Variants in ARHGEF15 observed in about 807,000 individuals in gnomAD.
ARHGEF15 encodes the protein Rho guanine nucleotide exchange factor (GEF) 15.
ARHGEF15 carries 58 observed loss-of-function variants against 79.7 expected under a neutral mutation model. That is an observed-to-expected ratio of 0.73 (90% CI 0.59 to 0.91). The LOEUF (loss-of-function observed/expected upper bound fraction) is 0.91. Ranked by LOEUF, ARHGEF15 falls within the 40% of genes least tolerant of loss-of-function variation. ARHGEF15 has a pLI of 0.00. For missense variants in ARHGEF15, 1,012 were observed against 1,108.1 expected (o/e 0.91, Z 1.23); for synonymous variants, 442 against 456.0 (o/e 0.97, Z 0.39).
rs773258836 is a variant in ARHGEF15, at chr17:8,319,349, C to T, written c.2224C>T (p.Pro742Ser). The T allele has an allele frequency of 1.9e-6, 3 of 1,613,992 alleles. No homozygotes were observed. The highest frequency in any genetic ancestry group is 1.7e-5 in the Admixed American group (1 of 59,982). Residue 742 changes from proline (P) to serine (S), a missense_variant, in exon 14 of 16, where the codon CCA becomes TCA. Pro to Ser is a moderately conservative substitution (Grantham distance 74). Coordinates refer to ENST00000361926, the MANE Select transcript of ARHGEF15 (RefSeq NM_173728.4). Reference sequence around the variant, plus strand: ...GCGCTGGCTGGGAGCCTTCCCAACCCCAGGCCCCCTTCCCTGCTCCCCAGA... The same window carrying T: ...GCGCTGGCTGGGAGCCTTCCCAACCTCAGGCCCCCTTCCCTGCTCCCCAGA... ...MQRWLGAFPT[P>S]GPLPCSPDTI...
Position 8,312,575 on chromosome 17 carries a change from C to T in ARHGEF15, c.536C>T (p.Ala179Val). 1 of 1,610,888 alleles carries T rather than the reference C, an allele frequency of 6.2e-7. No individual in the cohort carries two copies. Among genetic ancestry groups the T allele is most frequent in the Non-Finnish European group, 8.5e-7 (1 of 1,178,554 alleles). ...DAPEPGLQAR[A>V]DVNGEREAPL... is the part of the protein sequence containing the mutation. ...CCGGAGCCAGGTCTCCAAGCGAGAGCAGATGTGAATGGGGAGAGAGAAGCT... is the reference window on the plus strand; with the variant it reads ...CCGGAGCCAGGTCTCCAAGCGAGAGTAGATGTGAATGGGGAGAGAGAAGCT... The change falls in exon 2 of 16, where the codon GCA becomes GTA. Residue 179 changes from alanine to valine, a missense_variant. Transcript: ENST00000361926.
Position 8,313,440 on chromosome 17 carries a change from G to C in ARHGEF15, c.935-61G>C, listed in dbSNP as rs2302866. The stretch of plus-strand genomic sequence containing the variant: ...AACCATCCCTGCTGGGGCTGGAGTC[G>C]GGAGTCCTGGCTGGGGATCCTGGAG... On this transcript the variant is annotated intron_variant, in intron 3 of 15. Transcript: ENST00000361926. The C allele has an allele frequency of 1.8e-5, 29 of 1,581,044 alleles. No homozygotes were observed. The East Asian group carries it at 6.5e-4, about 35-fold the overall frequency.
In ARHGEF15 at chr17:8,315,171, T is replaced by G; in HGVS notation, c.1154T>G (p.Phe385Cys). ...GCAAATGCTGGAGATGCACCCACCT[T>G]CCCACGACCCCCTGGACCTCGCAAC... ...SPANAGDAPT[F>C]PRPPGPRNTL... The change falls in exon 6 of 16, where the codon TTC becomes TGC. Residue 385 changes from phenylalanine (F) to cysteine (C), a missense_variant. This residue lies in a region of ARHGEF15 where 818 missense variants were observed against 882.5 expected (regional missense o/e 0.93). Coordinates refer to ENST00000361926, the MANE Select transcript of ARHGEF15 (RefSeq NM_173728.4). This position sits in a 1 kb window ranked among gnomAD's most constrained non-coding sequence, Gnocchi z 4.3. 6.2e-7 allele frequency: 1 copy of G among 1,614,014 alleles called. No homozygotes were observed. Among genetic ancestry groups the G allele is most frequent in the Non-Finnish European group, 8.5e-7 (1 of 1,179,998 alleles).
Position 8,319,048 on chromosome 17 carries a change from TG to T in ARHGEF15, c.2077del (p.Val693SerfsTer102). On this transcript the variant is annotated frameshift_variant, in exon 13 of 16. Coordinates refer to ENST00000361926, the MANE Select transcript of ARHGEF15 (RefSeq NM_173728.4). LOFTEE classifies it high-confidence loss of function. Reference sequence around the variant, plus strand: ...GTTCTGGACTATGCCCATCGCTCCCTGGTCCAGGCCCAGCAGGTTCCGGATC... The same window carrying T: ...GTTCTGGACTATGCCCATCGCTCCCTGTCCAGGCCCAGCAGGTTCCGGATC... ...LQVLDYAHRS[L>X]VQAQQVPDPS... 3 of 1,614,014 alleles carry T rather than the reference TG, an allele frequency of 1.9e-6. No individual in the cohort carries two copies. Among genetic ancestry groups the T allele is most frequent in the Non-Finnish European group, 2.5e-6 (3 of 1,180,004 alleles).
In ARHGEF15 at chr17:8,313,268, G is replaced by A; in HGVS notation, c.934+14G>A. The A allele has an allele frequency of 2.5e-6, 4 of 1,601,420 alleles. No individual in the cohort carries two copies. The highest frequency in any genetic ancestry group is 3.4e-6 in the Non-Finnish European group (4 of 1,178,138). ...GAATCCAAACAGGTGCAGGGCCTGG[G>A]GGAGTGGACCTCTGGGCTGTGAGGG... On this transcript the variant is annotated intron_variant, in intron 3 of 15. Transcript: ENST00000361926.
rs982517828 is a variant in ARHGEF15 at position 8,315,359 on chromosome 17, T to C, written c.1261-55T>C. On this transcript the variant is annotated intron_variant, in intron 6 of 15. Transcript: ENST00000361926. The surrounding 1 kb of genome is among the most constrained non-coding windows in gnomAD (Gnocchi z 4.3). ...AGGCATAGGGGAGGAGGGCCCAGGG[T>C]CCTAGCTTCCCACGGTGAACTGGGC... 8.7e-6 allele frequency: 14 copies of C among 1,611,750 alleles called. No homozygotes were observed. Among genetic ancestry groups the C allele is most frequent in the African/African-American group, 8.0e-5 (6 of 74,662 alleles).
rs781295246 is a variant in ARHGEF15, at chr17:8,318,579, C to T, written c.1789C>T (p.Arg597Cys). 1.2e-5 allele frequency: 19 copies of T among 1,613,430 alleles called. No homozygotes were observed. Among genetic ancestry groups the T allele is most frequent in the South Asian group, 8.8e-5 (8 of 91,036 alleles). ...AGCTCCCCTTACCTAGATCATCGAGCGTTGCAGCGCTGAGGTGGGGCGCAT... is the reference window on the plus strand; with the variant it reads ...AGCTCCCCTTACCTAGATCATCGAGTGTTGCAGCGCTGAGGTGGGGCGCAT... Reference protein sequence around the residue: ...ALGAVSKIIERCSAEVGRMKQ... With the variant: ...ALGAVSKIIECCSAEVGRMKQ... Residue 597 changes from arginine (R) to cysteine (C), a missense_variant, in exon 11 of 16, where the codon CGT (arginine) becomes TGT (cysteine). Physicochemically the swap from Arg to Cys is radical, Grantham distance 180. Around this residue, in one of 3 missense-constraint regions of ARHGEF15, gnomAD observed 818 missense variants for 882.5 expected, o/e 0.93. Transcript: ENST00000361926. This position sits in a 1 kb window ranked among gnomAD's most constrained non-coding sequence, Gnocchi z 5.0.
intron 9 of ARHGEF15, among the ~76,000 whole-genome samples, chr17:8,317,127 A>G (rs556404252): frequency 6.6e-6 from 1 of 152,090 alleles, no homozygotes; most frequent in Non-Finnish European, 1.5e-5. Flanking sequence ...CTTTCTAACC[A>G]GGTCTCCCAA....
rs2151636121 is a variant in ARHGEF15 at position 8,312,947 on chromosome 17, C to T, written c.627C>T (p.Cys209=). Residue 209 remains cysteine, a synonymous_variant, in exon 3 of 16, where the codon TGC becomes TGT. Coordinates refer to ENST00000361926, the MANE Select transcript of ARHGEF15 (RefSeq NM_173728.4). The part of the protein sequence containing the change: ...APDAGLACPP[C]CPCVCHTTRP... ...ATGCTGGCCTGGCCTGCCCTCCCTG[C>T]TGCCCCTGTGTCTGCCACACCACCC... 2 of 1,584,208 alleles carry T rather than the reference C, an allele frequency of 1.3e-6. No homozygotes were observed. Among genetic ancestry groups the T allele is most frequent in the Non-Finnish European group, 1.7e-6 (2 of 1,164,858 alleles).
At chr17:8,312,730 CAAA>C (rs750161380) in intron 2 of ARHGEF15, 90 bp downstream of exon 2, 1 of 1,601,980 alleles carries the variant, frequency 6.2e-7, no homozygotes, top group South Asian at 1.1e-5. Context: ...GCTACCTTTT[CAAA>C]AATGGAGTTA....
chr17:8,320,287 A>T (rs1361097680), intron 15 of ARHGEF15, among the ~76,000 whole-genome samples: 1 of 152,134 alleles, frequency 6.6e-6, no homozygotes, highest in Non-Finnish European at 1.5e-5. Flanking sequence ...AAAAAAAAAA[A>T]AGTGAGCAGA....
chr17:8,318,556 C>G lies in ARHGEF15; in HGVS notation c.1780-14C>G. ...GCTGGCCGCTGGGGTGGTGACACAG[C>G]TCCCCTTACCTAGATCATCGAGCGT... On this transcript the variant is annotated splice_polypyrimidine_tract_variant and intron_variant, in intron 10 of 15. Coordinates refer to ENST00000361926, the MANE Select transcript of ARHGEF15 (RefSeq NM_173728.4). The surrounding 1 kb of genome is among the most constrained non-coding windows in gnomAD (Gnocchi z 5.0). 1 of 1,612,442 alleles carries G rather than the reference C, an allele frequency of 6.2e-7. No homozygotes were observed. The highest frequency in any genetic ancestry group is 8.5e-7 in the Non-Finnish European group (1 of 1,178,760).
In ARHGEF15 at chr17:8,312,655, TG is replaced by T; in HGVS notation, c.601+21del. On this transcript the variant is annotated intron_variant, in intron 2 of 15. Coordinates refer to ENST00000361926, the MANE Select transcript of ARHGEF15 (RefSeq NM_173728.4). ...CGGTGCTCCAGGTGAGTGTGGCGGG[TG>T]GGGGGCGCTGGGTGACCTCAATCCA... The T allele has an allele frequency of 1.3e-6, 2 of 1,590,552 alleles. No homozygotes were observed. The highest frequency in any genetic ancestry group is 8.5e-7 in the Non-Finnish European group (1 of 1,170,858).
rs751971975 is a variant in ARHGEF15, at chr17:8,318,737, C to T, written c.1873-13C>T. ...GCCACGCTAGAACCTCCTCTGCCTC[C>T]GCTTCCTCGCAGGCCCTGCCCCTGG... On this transcript the variant is annotated splice_polypyrimidine_tract_variant and intron_variant, in intron 11 of 15. Coordinates refer to ENST00000361926, the MANE Select transcript of ARHGEF15 (RefSeq NM_173728.4). This position sits in a 1 kb window ranked among gnomAD's most constrained non-coding sequence, Gnocchi z 5.0. 1.3e-5 allele frequency: 21 copies of T among 1,611,720 alleles called. No individual in the cohort carries two copies. The highest frequency in any genetic ancestry group is 9.9e-5 in the South Asian group (9 of 90,862).
Position 8,322,186 on chromosome 17 carries a change from G to A in ARHGEF15, c.*1193G>A, listed in dbSNP as rs80276186. 41 of 152,782 alleles carry A rather than the reference G, an allele frequency of 2.7e-4. No individual in the cohort carries two copies. The highest frequency in any genetic ancestry group is 8.4e-4 in the African/African-American group (35 of 41,598). 9.5% of individuals were successfully genotyped at this position (152,782 alleles called of 1,614,324 possible). A position where few individuals can be genotyped will look rare whatever the true frequency, so the allele number is the denominator to read the frequency against. On this transcript the variant is annotated 3_prime_UTR_variant, in exon 16 of 16. Coordinates refer to ENST00000361926, the MANE Select transcript of ARHGEF15 (RefSeq NM_173728.4). ...AAACAGTGGGGAGAGATTGGAGAGC[G>A]GGTGTGGCTGCCCAACCCCATCCAG...
At chr17:8,320,778 C>T (rs531212191) in intron 15 of ARHGEF15, 64 bp from the exon 16 acceptor site, 24 of 1,518,438 alleles carry the variant, frequency 1.6e-5, no homozygotes, top group Non-Finnish European at 2.1e-5. Context: ...CCACGAGGCC[C>T]CCTTTGCCTC....
rs893888068 is a variant in ARHGEF15 at position 8,315,351 on chromosome 17, G to T, written c.1261-63G>T. The stretch of plus-strand genomic sequence containing the variant: ...CATGGGTCAGGCATAGGGGAGGAGG[G>T]CCCAGGGTCCTAGCTTCCCACGGTG... On this transcript the variant is annotated intron_variant, in intron 6 of 15. Transcript: ENST00000361926. This position sits in a 1 kb window ranked among gnomAD's most constrained non-coding sequence, Gnocchi z 4.3. The T allele has an allele frequency of 6.2e-7, 1 of 1,611,468 alleles. No homozygotes were observed. The highest frequency in any genetic ancestry group is 1.1e-5 in the South Asian group (1 of 90,834).
rs1380458618 is a variant in ARHGEF15 at position 8,316,073 on chromosome 17, G to A, written c.1629G>A (p.Lys543=). The change falls in exon 9 of 16, where the codon AAG becomes AAA. Residue 543 remains lysine, a synonymous_variant. Transcript: ENST00000361926. ...AELRRLQSLP[K]CERLPLPSFL... is the part of the protein sequence containing the mutation. ...TGCGCCGGCTGCAGAGCCTCCCTAA[G>A]TGTGAGCGGCTCCCGCTGCCGTCCT... 1 of 1,603,902 alleles carries A rather than the reference G, an allele frequency of 6.2e-7. No individual in the cohort carries two copies. The highest frequency in any genetic ancestry group is 8.5e-7 in the Non-Finnish European group (1 of 1,179,534).
chr17:8,315,501 C>A lies in ARHGEF15; in HGVS notation c.1348C>A (p.Arg450=), dbSNP rs1904958524. The part of the protein sequence containing the change: ...TDTFVLSQAL[R]DTLTPRDHHT... ...CACCTTCGTGCTGAGCCAGGCACTC[C>A]GGGACACGCTCACCCCCCGTGATCA... The change falls in exon 7 of 16, where the codon CGG becomes AGG. Residue 450 remains arginine (R), a synonymous_variant. Transcript: ENST00000361926. The surrounding 1 kb of genome is among the most constrained non-coding windows in gnomAD (Gnocchi z 4.3). The A allele has an allele frequency of 6.2e-7, 1 of 1,613,038 alleles. No homozygotes were observed. Among genetic ancestry groups the A allele is most frequent in the Non-Finnish European group, 8.5e-7 (1 of 1,179,972 alleles).
Sources: allele counts gnomAD v4.1 joint callset (sites outside exome capture counted in the v4.1 genomes callset), GRCh38; gene constraint gnomAD v4.1.1; regional missense constraint gnomAD v4.1.1; non-coding constraint Gnocchi (gnomAD v3.1); transcripts MANE v1.5; gene names NCBI Gene and HGNC (gene_info 2026-07-23, HGNC 2026-07-21).